The following MYRIP variants were observed in gnomAD, a reference collection of about 807,000 sequenced individuals.
MYRIP encodes the protein myosin VIIA and Rab interacting protein.
In MYRIP, 49 loss-of-function variants were observed where a neutral mutation model predicts 98.0. The observed-to-expected ratio is 0.50, with a 90% CI of 0.40 to 0.63. The LOEUF is 0.63. MYRIP is among the 30% of genes least tolerant of loss of function. The pLI is 0.00. For synonymous variants in MYRIP, 404 were observed against 409.5 expected, an observed-to-expected ratio of 0.99 and a Z score of 0.16; for missense variants, 1,004 against 1,058.2, an observed-to-expected ratio of 0.95 and a Z score of 0.71.
intron 3 of MYRIP, among the ~76,000 whole-genome samples, chr3:40,136,890 A>G (rs1306679994): frequency 3.3e-5 from 5 of 152,252 alleles, no homozygotes; most frequent in African/African-American, 1.2e-4. Flanking sequence ...AGCAGTGTGT[A>G]GAGGGAAATT....
chr3:40,151,226 G>A (rs759679697), intron 4 of MYRIP, 42 bp downstream of exon 4: 6 of 1,557,106 alleles, frequency 3.9e-6, no homozygotes, highest in East Asian at 2.3e-5. Context: ...TTGGTGGGCT[G>A]GTGGGTAGAA....
chr3:40,178,232 C>A (rs73827329), intron 8 of MYRIP, among the ~76,000 whole-genome samples: 5,054 of 152,262 alleles, frequency 0.033, 160 homozygotes, highest in African/African-American at 0.085. Context: ...ATCATAGCAA[C>A]AATCTATGGT....
chr3:39,919,102 G>A (rs1944241810), intron 2 of MYRIP, among the ~76,000 whole-genome samples: 1 of 152,186 alleles, frequency 6.6e-6, no homozygotes, highest in Non-Finnish European at 1.5e-5. Flanking sequence ...TCAAAGACAT[G>A]TATTTTTAGG....
At chr3:40,028,373 C>CT (rs1947183798) in intron 2 of MYRIP, among the ~76,000 whole-genome samples, 1 of 152,138 alleles carries the variant, frequency 6.6e-6, no homozygotes, top group Non-Finnish European at 1.5e-5. Flanking sequence ...CCCTGTTACC[C>CT]AGTGCTCAAG....
intron 3 of MYRIP, among the ~76,000 whole-genome samples, chr3:40,145,080 G>A (rs188249488): frequency 6.6e-6 from 1 of 152,110 alleles, no homozygotes; most frequent in Non-Finnish European, 1.5e-5. Flanking sequence ...CTGATAAGTT[G>A]GTTATTGTCA....
chr3:40,009,950 T>C (rs901562299), intron 2 of MYRIP, among the ~76,000 whole-genome samples: 1 of 152,212 alleles, frequency 6.6e-6, no homozygotes, highest in Non-Finnish European at 1.5e-5. Flanking sequence ...GTGCTCTCCA[T>C]GCAACATTTT....
At position 40,225,355 on chromosome 3, in the gene MYRIP, A is replaced by G. The variant is rs552813338; in HGVS notation, c.1906-8504A>G. Among the ~76,000 whole-genome samples, 37 of 152,286 alleles carry G rather than the reference A, an allele frequency of 2.4e-4. No homozygotes were observed. The South Asian group carries it at 7.1e-3, about 29-fold the overall frequency. ...GCTTGGTCTTTGGCTTTCCAAATCA[A>G]TGCACTTATTCTAGTTGGTGTCAGT... On this transcript the variant is annotated intron_variant, in intron 11 of 16. Transcript: ENST00000302541.
chr3:39,931,856 C>T (rs1408484527), intron 2 of MYRIP, among the ~76,000 whole-genome samples: 1 of 152,086 alleles, frequency 6.6e-6, no homozygotes, highest in South Asian at 2.1e-4. Flanking sequence ...TTGAATAAAT[C>T]CTAATTGGTT....
intron 1 of MYRIP, among the ~76,000 whole-genome samples, chr3:39,872,300 GTATT>G (rs1377689183): frequency 2.0e-5 from 3 of 150,960 alleles, no homozygotes; most frequent in Non-Finnish European, 4.4e-5. Flanking sequence ...GTCTCTTACT[GTATT>G]TATGTCAAAT....
intron 1 of MYRIP, among the ~76,000 whole-genome samples, chr3:39,867,933 G>C (rs549273219): frequency 1.3e-5 from 2 of 152,314 alleles, no homozygotes; most frequent in Admixed American, 1.3e-4. Flanking sequence ...TGAAGAAAAG[G>C]TGAGATTGAT....
At chr3:40,023,207 A>G (rs1055117140) in intron 2 of MYRIP, among the ~76,000 whole-genome samples, 1 of 152,198 alleles carries the variant, frequency 6.6e-6, no homozygotes, top group African/African-American at 2.4e-5. Flanking sequence ...TGCAGATGTC[A>G]AGGAGGCCAT....
At chr3:39,986,505 G>A (rs1946036168) in intron 2 of MYRIP, among the ~76,000 whole-genome samples, 1 of 151,584 alleles carries the variant, frequency 6.6e-6, no homozygotes, top group Non-Finnish European at 1.5e-5. Flanking sequence ...AGAGCATAAG[G>A]TGTGAAAGGC....
At chr3:39,886,804 C>T (rs1246294614) in intron 1 of MYRIP, among the ~76,000 whole-genome samples, 1 of 151,732 alleles carries the variant, frequency 6.6e-6, no homozygotes. Flanking sequence ...AACAAGGATA[C>T]CCAGGAATTG....
chr3:40,016,952 A>G (rs2125802102), intron 2 of MYRIP, among the ~76,000 whole-genome samples: 1 of 152,320 alleles, frequency 6.6e-6, no homozygotes, highest in South Asian at 2.1e-4. Context: ...GAGAGGATAC[A>G]TACAAAGATC....
At chr3:40,199,574 G>A (rs1951494989) in intron 10 of MYRIP, among the ~76,000 whole-genome samples, 1 of 152,250 alleles carries the variant, frequency 6.6e-6, no homozygotes, top group African/African-American at 2.4e-5. Flanking sequence ...GGCTCCAGAA[G>A]GTTCGCCTGC....
At chr3:40,160,674 A>G (rs1950368859) in intron 4 of MYRIP, among the ~76,000 whole-genome samples, 1 of 152,242 alleles carries the variant, frequency 6.6e-6, no homozygotes. Context: ...CCTCCGAGCC[A>G]GGTGCGGGAT....
intron 2 of MYRIP, among the ~76,000 whole-genome samples, chr3:40,035,713 G>A (rs1255141112): frequency 6.6e-6 from 1 of 151,702 alleles, no homozygotes; most frequent in South Asian, 2.1e-4. Context: ...ATAAAAATCA[G>A]TAAAATTTCT....
chr3:40,138,916 T>C (rs2125558882), intron 3 of MYRIP, among the ~76,000 whole-genome samples: 2 of 152,330 alleles, frequency 1.3e-5, no homozygotes, highest in East Asian at 3.9e-4. Context: ...CTAGAACTTA[T>C]TCCTTCTATC....
At chr3:40,076,314 T>G (rs1467326474) in intron 3 of MYRIP, among the ~76,000 whole-genome samples, 1 of 152,212 alleles carries the variant, frequency 6.6e-6, no homozygotes, top group East Asian at 1.9e-4. Context: ...TTGGCCAGTA[T>G]GTATATGTTC....
Sources: allele counts gnomAD v4.1 joint callset (sites outside exome capture counted in the v4.1 genomes callset), GRCh38; gene constraint gnomAD v4.1.1; transcripts MANE v1.5; gene names NCBI Gene and HGNC (gene_info 2026-07-23, HGNC 2026-07-21).